Variants in KLHL7 observed in about 807,000 individuals in gnomAD.
KLHL7 encodes the protein kelch like family member 7.
In KLHL7, 44 loss-of-function variants were observed where a neutral mutation model predicts 67.4. The observed-to-expected ratio is 0.65, with a 90% CI of 0.51 to 0.84. The LOEUF (loss-of-function observed/expected upper bound fraction) is 0.84. Among genes scored for constraint, KLHL7 ranks in the 40% least tolerant of loss-of-function variants. The pLI is 0.00. For synonymous variants in KLHL7, 252 were observed against 243.3 expected, an observed-to-expected ratio of 1.04 and a Z score of -0.33; for missense variants, 362 against 718.1, an observed-to-expected ratio of 0.50 and a Z score of 5.67.
At position 23,113,247 on chromosome 7, in the gene KLHL7, A is replaced by G. The variant is rs527621814; in HGVS notation, c.120+7101A>G. 3.3e-5 allele frequency among the ~76,000 whole-genome samples: 5 copies of G among 152,254 alleles called. No individual in the cohort carries two copies. In the South Asian group the frequency reaches 1.0e-3, roughly 32 times the overall value. On this transcript the variant is annotated intron_variant, in intron 1 of 10. Coordinates refer to ENST00000339077, the MANE Select transcript of KLHL7 (RefSeq NM_001031710.3). ...TAGAAATGGTATTATGGCTGTCAGTATTTTTGAAGATTCTTTTGACATTGT... is the reference window on the plus strand; with the variant it reads ...TAGAAATGGTATTATGGCTGTCAGTGTTTTTGAAGATTCTTTTGACATTGT...
In KLHL7 at chr7:23,174,042, A is replaced by G; in HGVS notation, c.1505A>G (p.Asp502Gly). 6.2e-7 allele frequency: 1 copy of G among 1,614,132 alleles called. No homozygotes were observed. Among genetic ancestry groups the G allele is most frequent in the East Asian group, 2.2e-5 (1 of 44,886 alleles). Residue 502 changes from aspartate (D) to glycine (G), a missense_variant, in exon 11 of 11, where the codon GAT becomes GGT. Asp to Gly is a moderately conservative substitution (Grantham distance 94). Coordinates refer to ENST00000339077, the MANE Select transcript of KLHL7 (RefSeq NM_001031710.3). Reference protein sequence around the residue: ...LGGLDNVEYYDIKLNEWKMVS... With the variant: ...LGGLDNVEYYGIKLNEWKMVS... ...GGTCTGGACAATGTGGAATATTACG[A>G]TATTAAGTTGAACGAATGGAAGATG...
At position 23,165,622 on chromosome 7, in the gene KLHL7, T is replaced by G. The variant is rs114621315; in HGVS notation, c.937-76T>G. On this transcript the variant is annotated intron_variant, in intron 7 of 10. Coordinates refer to ENST00000339077, the MANE Select transcript of KLHL7 (RefSeq NM_001031710.3). Reference sequence around the variant, plus strand: ...AATTAACATATTCTTATATGTTTTTTGACTGTATCTTTGCATTGTCCTTTT... The same window carrying G: ...AATTAACATATTCTTATATGTTTTTGGACTGTATCTTTGCATTGTCCTTTT... 5.2e-3 allele frequency: 7,735 copies of G among 1,495,488 alleles called. 70 individuals carry two copies. Among genetic ancestry groups the G allele is most frequent in the African/African-American group, 0.043 (3,146 of 72,612 alleles). The allele number at this position is 1,495,488 out of a possible 1,614,324, so 92.6% of individuals were successfully genotyped here.
intron 4 of KLHL7, among the ~76,000 whole-genome samples, chr7:23,133,033 G>A (rs910725714): frequency 2.0e-5 from 3 of 152,190 alleles, no homozygotes; most frequent in East Asian, 3.9e-4. Flanking sequence ...ATGCTGTTTC[G>A]ATTACTATAG....
At chr7:23,170,136 C>G (rs984668313) in intron 9 of KLHL7, among the ~76,000 whole-genome samples, 1 of 152,166 alleles carries the variant, frequency 6.6e-6, no homozygotes, top group Non-Finnish European at 1.5e-5. Flanking sequence ...ATCATTTGAA[C>G]CCGGGAGGTG....
intron 1 of KLHL7, among the ~76,000 whole-genome samples, chr7:23,108,317 A>G (rs1163951253): frequency 1.3e-5 from 2 of 152,214 alleles, no homozygotes; most frequent in Admixed American, 6.5e-5. Context: ...GATTCTATAC[A>G]TAGAGGCAAA....
At chr7:23,143,758 T>A in intron 5 of KLHL7, 93 bp from the exon 6 acceptor site, 1 of 1,286,170 alleles carries the variant, frequency 7.8e-7, no homozygotes, top group Non-Finnish European at 1.1e-6. Context: ...TATCTCCTTA[T>A]GAGGTTCTCT....
chr7:23,149,934 T>C (rs958154063), intron 6 of KLHL7, among the ~76,000 whole-genome samples: 1 of 152,226 alleles, frequency 6.6e-6, no homozygotes, highest in African/African-American at 2.4e-5. Flanking sequence ...CCAAATGAGT[T>C]TTCTTTCTCT....
chr7:23,172,159 C>T (rs1248534180), intron 9 of KLHL7: 1 of 456,460 alleles, frequency 2.2e-6, no homozygotes, highest in Non-Finnish European at 4.4e-6. Flanking sequence ...GTGCCAGTAC[C>T]ACCTTCACAA....
intron 4 of KLHL7, among the ~76,000 whole-genome samples, chr7:23,138,526 A>G (rs1401625954): frequency 6.7e-6 from 1 of 149,844 alleles, no homozygotes; most frequent in African/African-American, 2.5e-5. Flanking sequence ...GAAACAATCA[A>G]AAAAGTAAAG....
Position 23,165,938 on chromosome 7 carries a change from G to A in KLHL7, c.1177G>A (p.Gly393Arg). The change falls in exon 8 of 11, where the codon GGA becomes AGA. Residue 393 changes from glycine (G) to arginine (R), a missense_variant and splice_region_variant. Coordinates refer to ENST00000339077, the MANE Select transcript of KLHL7 (RefSeq NM_001031710.3). ...TTATACATCTGGAGGTTCAGAAGTA[G>A]GTAAGGACTTCTTAAGTATTTTGGT... Reference protein sequence around the residue: ...KIYTSGGSEVGNSALYLFECY... With the variant: ...KIYTSGGSEVRNSALYLFECY... The A allele has an allele frequency of 6.2e-7, 1 of 1,613,968 alleles. No homozygotes were observed. The highest frequency in any genetic ancestry group is 8.5e-7 in the Non-Finnish European group (1 of 1,179,980).
intron 8 of KLHL7, among the ~76,000 whole-genome samples, chr7:23,167,576 A>C (rs1785035943): frequency 6.6e-6 from 1 of 152,178 alleles, no homozygotes; most frequent in South Asian, 2.1e-4. Context: ...TTTGAAATCA[A>C]ATTTATTTTT....
rs577964616 is a variant in KLHL7 at position 23,174,863 on chromosome 7, T to G, written c.*565T>G. 3.1e-5 allele frequency: 14 copies of G among 454,546 alleles called. No individual in the cohort carries two copies. Among genetic ancestry groups the G allele is most frequent in the African/African-American group, 2.0e-4 (10 of 50,132 alleles). 28.2% of individuals were successfully genotyped at this position (454,546 alleles called of 1,614,324 possible). A position where few individuals can be genotyped will look rare whatever the true frequency, so the allele number is the denominator to read the frequency against. Reference sequence around the variant, plus strand: ...CATATACACACTTTCTCACAAAACTTCCTAAACAGATTTGGGGGTTTAATA... The same window carrying G: ...CATATACACACTTTCTCACAAAACTGCCTAAACAGATTTGGGGGTTTAATA... On this transcript the variant is annotated 3_prime_UTR_variant, in exon 11 of 11. Transcript: ENST00000339077.
intron 6 of KLHL7, among the ~76,000 whole-genome samples, chr7:23,151,667 A>G (rs1478698125): frequency 2.0e-5 from 3 of 152,190 alleles, no homozygotes; most frequent in Admixed American, 2.0e-4. Flanking sequence ...TTTTTATTTA[A>G]TTAGTCTGTG....
chr7:23,154,838 G>T (rs1027946201), intron 7 of KLHL7, among the ~76,000 whole-genome samples: 1 of 152,210 alleles, frequency 6.6e-6, no homozygotes, highest in African/African-American at 2.4e-5. Context: ...ATCTGATCCA[G>T]TAAGAAGACT....
In KLHL7 at chr7:23,174,916, A is replaced by G. The variant is rs772907354; in HGVS notation, c.*618A>G. The G allele has an allele frequency of 1.8e-5, 8 of 454,350 alleles. No individual in the cohort carries two copies. Among genetic ancestry groups the G allele is most frequent in the African/African-American group, 4.0e-5 (2 of 50,004 alleles). 28.1% of individuals were successfully genotyped at this position (454,350 alleles called of 1,614,324 possible). ...TCCAACTCCTCATGAAATATATTCA[A>G]TCCACTTAAATATATTCCATCTTTT... On this transcript the variant is annotated 3_prime_UTR_variant, in exon 11 of 11. Transcript: ENST00000339077.
chr7:23,135,664 CTG>C lies in KLHL7; in HGVS notation c.443-5102_443-5101del, dbSNP rs1239289606. 2.0e-5 allele frequency among the ~76,000 whole-genome samples: 3 copies of C among 152,196 alleles called. No individual in the cohort carries two copies. The East Asian group carries it at 5.8e-4, about 29-fold the overall frequency. Reference sequence around the variant, plus strand: ...ATTAGAATAAAACAAAATTTCATAACTGTGGCTATTTGTCTTTGGTCCTTCAC... The same window carrying C: ...ATTAGAATAAAACAAAATTTCATAACTGGCTATTTGTCTTTGGTCCTTCAC... On this transcript the variant is annotated intron_variant, in intron 4 of 10. Coordinates refer to ENST00000339077, the MANE Select transcript of KLHL7 (RefSeq NM_001031710.3).
intron 7 of KLHL7, among the ~76,000 whole-genome samples, 176 bp downstream of exon 7, chr7:23,152,385 G>T (rs1230394168): frequency 6.6e-6 from 1 of 152,152 alleles, no homozygotes; most frequent in Non-Finnish European, 1.5e-5. Flanking sequence ...ATCAGGCTTA[G>T]ATTCCAAATG....
chr7:23,172,476 A>G (rs1785191936), intron 9 of KLHL7, among the ~76,000 whole-genome samples: 1 of 152,206 alleles, frequency 6.6e-6, no homozygotes, highest in Non-Finnish European at 1.5e-5. Context: ...TAATTTCCTG[A>G]TTGCCTGAGG....
intron 2 of KLHL7, 134 bp downstream of exon 2, chr7:23,124,013 A>C (rs1783458156): frequency 1.4e-6 from 1 of 694,400 alleles, no homozygotes; most frequent in South Asian, 1.6e-5. Context: ...AGAGATTGAA[A>C]AAGTAGTCAG....
Sources: allele counts gnomAD v4.1 joint callset (sites outside exome capture counted in the v4.1 genomes callset), GRCh38; gene constraint gnomAD v4.1.1; transcripts MANE v1.5; gene names NCBI Gene and HGNC (gene_info 2026-07-23, HGNC 2026-07-21).